Variants in USP25 observed in about 807,000 individuals in gnomAD.
The protein encoded by USP25 is ubiquitin carboxyl-terminal hydrolase 25.
A neutral mutation model predicts 158.5 loss-of-function variants in USP25; 85 were observed. The observed-to-expected ratio is 0.54, with a 90% CI of 0.45 to 0.64. The LOEUF is 0.64. Among genes scored for constraint, USP25 ranks in the 30% least tolerant of loss-of-function variants. USP25 has a pLI of 0.00. For synonymous variants in USP25, 464 were observed against 460.4 expected (o/e 1.01, Z -0.10); for missense variants, 1,242 against 1,327.3 (o/e 0.94, Z 1.00).
chr21:15,747,998 T>G (rs1168557980), intron 1 of USP25, among the ~76,000 whole-genome samples: 1 of 152,250 alleles, frequency 6.6e-6, no homozygotes, highest in Non-Finnish European at 1.5e-5. Flanking sequence ...CTTTAATATT[T>G]GAACTTCCAT....
chr21:15,807,926 A>G lies in USP25; in HGVS notation c.781-883A>G, dbSNP rs2036474364. On this transcript the variant is annotated intron_variant, in intron 7 of 25. Coordinates refer to ENST00000400183, the MANE Select transcript of USP25 (RefSeq NM_001283041.3). ...GTTGCGTTTAGTCCTATTTAACTCT[A>G]CAGCTTTGGAGCAGTTTACTTAAGC... 3.9e-5 allele frequency among the ~76,000 whole-genome samples: 6 copies of G among 152,282 alleles called. No homozygotes were observed. In the South Asian group the frequency reaches 8.3e-4, roughly 21 times the overall value.
intron 4 of USP25, among the ~76,000 whole-genome samples, chr21:15,790,395 A>G (rs531597583): frequency 1.3e-5 from 2 of 152,050 alleles, no homozygotes; most frequent in Non-Finnish European, 2.9e-5. Flanking sequence ...CTGTATTCAC[A>G]TGGATATTTT....
At position 15,835,343 on chromosome 21, in the gene USP25, T is replaced by C. The variant is rs115162715; in HGVS notation, c.2194+1795T>C. Among the ~76,000 whole-genome samples, 1,238 of 152,318 alleles carry C rather than the reference T, an allele frequency of 8.1e-3. 11 individuals carry two copies. The highest frequency in any genetic ancestry group is 0.026 in the African/African-American group (1,065 of 41,568). On this transcript the variant is annotated intron_variant, in intron 17 of 25. Transcript: ENST00000400183. ...TCTCCAAATTTTCAGAGTTAACATA[T>C]TTTATTTCTGCTTAGTCAAACGAAT... is the stretch of plus-strand genomic sequence containing the variant.
At chr21:15,848,069 T>A (rs556008531) in intron 19 of USP25, among the ~76,000 whole-genome samples, 1 of 152,324 alleles carries the variant, frequency 6.6e-6, no homozygotes, top group South Asian at 2.1e-4. Context: ...CAATAAGATT[T>A]GTTTAATTAG....
intron 14 of USP25, among the ~76,000 whole-genome samples, chr21:15,828,880 G>A (rs111279529): frequency 0.02 from 3,091 of 152,026 alleles, 95 homozygotes; most frequent in African/African-American, 0.07. Context: ...CTTGTTATCC[G>A]CCCACCTCAG....
chr21:15,753,092 CAGGG>C (rs2033140457), intron 1 of USP25, among the ~76,000 whole-genome samples: 1 of 152,086 alleles, frequency 6.6e-6, no homozygotes, highest in African/African-American at 2.4e-5. Context: ...GGGAAAGTGA[CAGGG>C]AGGTTTTATG....
At chr21:15,878,116 C>T in intron 25 of USP25, 125 bp downstream of exon 25, 2 of 1,027,216 alleles carry the variant, frequency 1.9e-6, no homozygotes, top group South Asian at 3.9e-5. Flanking sequence ...TTTTCACATT[C>T]ACATGATTAC....
chr21:15,753,444 T>C (rs976132248), intron 1 of USP25, among the ~76,000 whole-genome samples: 2 of 152,204 alleles, frequency 1.3e-5, no homozygotes, highest in African/African-American at 2.4e-5. Flanking sequence ...CCTCCTTGTC[T>C]GCTTACACAT....
intron 1 of USP25, among the ~76,000 whole-genome samples, chr21:15,734,130 T>C (rs1197208997): frequency 6.6e-6 from 1 of 152,114 alleles, no homozygotes; most frequent in Non-Finnish European, 1.5e-5. Flanking sequence ...AGAAACAGTA[T>C]AGAATGGAAG....
chr21:15,795,982 T>C (rs2035844217), intron 5 of USP25, among the ~76,000 whole-genome samples: 1 of 151,590 alleles, frequency 6.6e-6, no homozygotes, highest in Non-Finnish European at 1.5e-5. Context: ...ATCACTTCTT[T>C]CTTTTTCACA....
rs1452456146 is a variant in USP25, at chr21:15,879,109, A to T, written c.*634A>T. The T allele has an allele frequency of 6.6e-6, 1 of 152,572 alleles. No homozygotes were observed. Among genetic ancestry groups the T allele is most frequent in the African/African-American group, 2.4e-5 (1 of 41,456 alleles). The allele number at this position is 152,572 out of a possible 1,614,324, so 9.5% of individuals were successfully genotyped here. A position where few individuals can be genotyped will look rare whatever the true frequency, so the allele number is the denominator to read the frequency against. On this transcript the variant is annotated 3_prime_UTR_variant, in exon 26 of 26. Transcript: ENST00000400183. ...TTTTAACAAAGTTCTTGAACTTAGT[A>T]TGGCACCGGAACCTGTTTTGAATTC...
In USP25 at chr21:15,826,949, A is replaced by G. The variant is rs774378285; in HGVS notation, c.1467-28A>G. On this transcript the variant is annotated intron_variant, in intron 13 of 25. Coordinates refer to ENST00000400183, the MANE Select transcript of USP25 (RefSeq NM_001283041.3). The surrounding 1 kb of genome is among the most constrained non-coding windows in gnomAD (Gnocchi z 4.8). ...TCAAGAGTTTCAGCTTGAAAGGTTA[A>G]TAAGAAATACTCTATGCTTTGATAC... 16 of 1,607,928 alleles carry G rather than the reference A, an allele frequency of 1.0e-5. No individual in the cohort carries two copies. Among genetic ancestry groups the G allele is most frequent in the Non-Finnish European group, 9.3e-6 (11 of 1,178,022 alleles).
chr21:15,752,447 C>T (rs1010605257), intron 1 of USP25, among the ~76,000 whole-genome samples: 2 of 152,094 alleles, frequency 1.3e-5, no homozygotes, highest in African/African-American at 4.8e-5. Context: ...AACTCCTGAC[C>T]TTGTGATCCA....
rs2037487658 is a variant in USP25 at position 15,826,110 on chromosome 21, T to C, written c.1305-94T>C. The stretch of plus-strand genomic sequence containing the variant: ...ATGAATTTTATTGCTGAGGAAGTTT[T>C]ATTGAAGTATCGTATCACGTTTTAT... On this transcript the variant is annotated intron_variant, in intron 12 of 25. Transcript: ENST00000400183. This position sits in a 1 kb window ranked among gnomAD's most constrained non-coding sequence, Gnocchi z 4.8. 2 of 1,293,528 alleles carry C rather than the reference T, an allele frequency of 1.5e-6. No individual in the cohort carries two copies. Among genetic ancestry groups the C allele is most frequent in the African/African-American group, 3.0e-5 (2 of 66,578 alleles). 80.1% of individuals were successfully genotyped at this position (1,293,528 alleles called of 1,614,324 possible).
chr21:15,847,819 C>T (rs761119012), intron 19 of USP25, 43 bp downstream of exon 19: 1 of 1,331,856 alleles, frequency 7.5e-7, no homozygotes, highest in South Asian at 1.3e-5. Context: ...TTAACTTTTG[C>T]TATTTAATAC....
At chr21:15,819,838 G>C (rs935574622) in intron 10 of USP25, among the ~76,000 whole-genome samples, 1 of 148,716 alleles carries the variant, frequency 6.7e-6, no homozygotes, top group Non-Finnish European at 1.5e-5. Flanking sequence ...TGTTTCAAGT[G>C]CATACTCATT....
chr21:15,821,110 C>T (rs1203438561), intron 10 of USP25, among the ~76,000 whole-genome samples: 3 of 151,910 alleles, frequency 2.0e-5, no homozygotes, highest in South Asian at 4.1e-4. Flanking sequence ...GTAAATACTT[C>T]ACTTGTAGTG....
intron 1 of USP25, among the ~76,000 whole-genome samples, chr21:15,736,832 G>T (rs1444951404): frequency 1.3e-5 from 2 of 149,478 alleles, no homozygotes; most frequent in Non-Finnish European, 3.0e-5. Flanking sequence ...TTAGTAGCTA[G>T]TTTTTTTTAA....
At position 15,824,285 on chromosome 21, in the gene USP25, C is replaced by G. The variant is rs141192472; in HGVS notation, c.1208+119C>G. The stretch of plus-strand genomic sequence containing the variant: ...TTAATTTCTACTTTTGCATAATATA[C>G]CTAATACCATTTGTCAAGGTAGATG... On this transcript the variant is annotated intron_variant, in intron 11 of 25. Coordinates refer to ENST00000400183, the MANE Select transcript of USP25 (RefSeq NM_001283041.3). 6.2e-4 allele frequency: 702 copies of G among 1,135,636 alleles called. 7 individuals carry two copies. In the African/African-American group the frequency reaches 8.9e-3, roughly 14 times the overall value. 70.3% of individuals were successfully genotyped at this position (1,135,636 alleles called of 1,614,324 possible).
Sources: allele counts gnomAD v4.1 joint callset (sites outside exome capture counted in the v4.1 genomes callset), GRCh38; gene constraint gnomAD v4.1.1; non-coding constraint Gnocchi (gnomAD v3.1); transcripts MANE v1.5; gene names NCBI Gene and HGNC (gene_info 2026-07-23, HGNC 2026-07-21).